The following SEC14L4 variants were observed in gnomAD, a reference collection of about 807,000 sequenced individuals.
SEC14L4 encodes SEC14-like protein 4.
Under a neutral mutation model 55.1 loss-of-function variants are expected in SEC14L4, and 42 were observed. The ratio of observed to expected loss-of-function variants is 0.76; its 90% CI spans 0.60 to 0.99. The LOEUF (loss-of-function observed/expected upper bound fraction) is 0.99, where lower values mean the gene tolerates loss of function less well. Ranked by LOEUF, SEC14L4 falls within the 50% of genes least tolerant of loss-of-function variation. The pLI is 0.00. For missense variants in SEC14L4, 445 were observed against 512.1 expected (o/e 0.87, Z 1.27); for synonymous variants, 206 against 206.8 (o/e 1.00, Z 0.03).
intron 2 of SEC14L4, among the ~76,000 whole-genome samples, chr22:30,497,476 G>T (rs978608644): frequency 4.0e-5 from 6 of 150,678 alleles, no homozygotes; most frequent in Non-Finnish European, 5.9e-5. Flanking sequence ...AGTAAGCCAA[G>T]ATCGCACTAC....
chr22:30,502,817 C>A (rs148707899), intron 2 of SEC14L4, among the ~76,000 whole-genome samples: 1 of 152,062 alleles, frequency 6.6e-6, no homozygotes, highest in Non-Finnish European at 1.5e-5. Flanking sequence ...TCCCAAAGCA[C>A]TGGGACTATA....
rs566782218 is a variant in SEC14L4, at chr22:30,498,950, A to ATT, written c.131-2981_131-2980dup. 5.9e-5 allele frequency among the ~76,000 whole-genome samples: 9 copies of ATT among 151,738 alleles called. No homozygotes were observed. In the South Asian group the frequency reaches 1.0e-3, roughly 18 times the overall value. ...ACGCTGCATAATTATTATTATTATT[A>ATT]TTATTTTTTTGATGGAGTCTCGCTC... On this transcript the variant is annotated intron_variant, in intron 2 of 11. Transcript: ENST00000255858.
At chr22:30,496,661 CT>C (rs1323101294) in intron 2 of SEC14L4, among the ~76,000 whole-genome samples, 1 of 152,102 alleles carries the variant, frequency 6.6e-6, no homozygotes, top group African/African-American at 2.4e-5. Context: ...CTTTTATTTC[CT>C]GTGAAACCTT....
chr22:30,495,019 A>G (rs1479389368), intron 5 of SEC14L4, 58 bp from the exon 6 acceptor site: 3 of 1,472,296 alleles, frequency 2.0e-6, no homozygotes, highest in Non-Finnish European at 2.8e-6. Flanking sequence ...GATCCTGGCC[A>G]GAGAGACTTG....
intron 11 of SEC14L4, 48 bp downstream of exon 11, chr22:30,491,525 G>A (rs760996476): frequency 3.7e-6 from 6 of 1,608,592 alleles, no homozygotes; most frequent in Non-Finnish European, 4.3e-6. Context: ...GGCAAGCAGA[G>A]GGGAGACTGG....
chr22:30,499,181 G>A (rs751253619), intron 2 of SEC14L4, among the ~76,000 whole-genome samples: 11 of 151,766 alleles, frequency 7.2e-5, no homozygotes, highest in Non-Finnish European at 1.5e-4. Flanking sequence ...CTGAGCCACC[G>A]CGCCCGGCCA....
In SEC14L4 at chr22:30,494,140, A is replaced by G; in HGVS notation, c.580+10T>C. ...CCCTCCCCAGGAGGTCATCCCGGTC[A>G]TGGGCTTACCTCGAATAACAATTAA... is the stretch of plus-strand genomic sequence containing the variant. On this transcript the variant is annotated intron_variant, in intron 7 of 11. Coordinates refer to ENST00000255858, the MANE Select transcript of SEC14L4 (RefSeq NM_174977.4). 1 of 1,607,768 alleles carries G rather than the reference A, an allele frequency of 6.2e-7. No individual in the cohort carries two copies. The highest frequency in any genetic ancestry group is 8.5e-7 in the Non-Finnish European group (1 of 1,174,196).
intron 2 of SEC14L4, among the ~76,000 whole-genome samples, chr22:30,500,858 T>C (rs1936298603): frequency 1.5e-5 from 2 of 136,046 alleles, no homozygotes; most frequent in Non-Finnish European, 3.0e-5. Context: ...TGGCATCAGA[T>C]GAAACTAATG....
intron 11 of SEC14L4, among the ~76,000 whole-genome samples, chr22:30,490,552 G>A (rs1343609685): frequency 6.6e-6 from 1 of 152,212 alleles, no homozygotes; most frequent in African/African-American, 2.4e-5. Flanking sequence ...CTGGGAACGG[G>A]ATCTCGAGCT....
At chr22:30,492,602 G>A (rs56037418) in intron 7 of SEC14L4, 45 bp from the exon 8 acceptor site, 70,251 of 1,483,708 alleles carry the variant, frequency 0.047, 3,430 homozygotes, top group African/African-American at 0.19. Context: ...CAGAAAGGAC[G>A]TGGGGATACA....
Position 30,492,456 on chromosome 22 carries a change from G to A in SEC14L4, c.664+18C>T. ...CTTCCCAGGCAGATGGACACAACCAGGGGGCCACGTCGCTCACCTCCCAGA... is the reference window on the plus strand; with the variant it reads ...CTTCCCAGGCAGATGGACACAACCAAGGGGCCACGTCGCTCACCTCCCAGA... On this transcript the variant is annotated intron_variant, in intron 8 of 11. Coordinates refer to ENST00000255858, the MANE Select transcript of SEC14L4 (RefSeq NM_174977.4). 3 of 1,603,482 alleles carry A rather than the reference G, an allele frequency of 1.9e-6. No individual in the cohort carries two copies. Among genetic ancestry groups the A allele is most frequent in the Non-Finnish European group, 2.6e-6 (3 of 1,170,304 alleles).
intron 2 of SEC14L4, among the ~76,000 whole-genome samples, chr22:30,502,930 G>C (rs891906275): frequency 6.6e-6 from 1 of 152,218 alleles, no homozygotes; most frequent in Non-Finnish European, 1.5e-5. Context: ...ACTTCCTTAA[G>C]TGTTTGCTGG....
chr22:30,503,249 CTG>C (rs1411518549), intron 2 of SEC14L4, among the ~76,000 whole-genome samples: 1 of 151,858 alleles, frequency 6.6e-6, no homozygotes, highest in East Asian at 1.9e-4. Flanking sequence ...ATTCCAGACC[CTG>C]TGTTTTTTGT....
chr22:30,489,614 T>C lies in SEC14L4; in HGVS notation c.*493A>G, dbSNP rs1723336133. On this transcript the variant is annotated 3_prime_UTR_variant, in exon 12 of 12. Coordinates refer to ENST00000255858, the MANE Select transcript of SEC14L4 (RefSeq NM_174977.4). ...CAGTGCTCTGCTGGAACCAGGACCC[T>C]CACCCAGCTGCCTCCAGCTGGGCCT... 1 of 584,168 alleles carries C rather than the reference T, an allele frequency of 1.7e-6. No individual in the cohort carries two copies. Among genetic ancestry groups the C allele is most frequent in the Non-Finnish European group, 3.0e-6 (1 of 328,014 alleles). The allele number at this position is 584,168 out of a possible 1,614,324, so 36.2% of individuals were successfully genotyped here.
At position 30,500,661 on chromosome 22, in the gene SEC14L4, C is replaced by T. The variant is rs552474927; in HGVS notation, c.130+3016G>A. On this transcript the variant is annotated intron_variant, in intron 2 of 11. Coordinates refer to ENST00000255858, the MANE Select transcript of SEC14L4 (RefSeq NM_174977.4). The stretch of plus-strand genomic sequence containing the variant: ...GATTACAGGAGTGAGCCACTGTGCC[C>T]AGCTATAGGAGATTTTTCAGTTAGG... Among the ~76,000 whole-genome samples the T allele has an allele frequency of 8.6e-5, 13 of 151,292 alleles. 1 individual carries two copies. In the South Asian group the frequency reaches 2.7e-3, roughly 32 times the overall value.
rs1936411831 is a variant in SEC14L4, at chr22:30,503,860, A to C, written c.55-108T>G. 3 of 801,162 alleles carry C rather than the reference A, an allele frequency of 3.7e-6. No homozygotes were observed. The East Asian group carries it at 8.2e-5, about 22-fold the overall frequency. The allele number at this position is 801,162 out of a possible 1,614,324, so 49.6% of individuals were successfully genotyped here. ...ATCCACCAGTCAACTCCACCAGAAG[A>C]CCATGCAGGGTGCTGCCCTGAACGA... On this transcript the variant is annotated intron_variant, in intron 1 of 11. Transcript: ENST00000255858.
At chr22:30,502,183 C>CA (rs1356772349) in intron 2 of SEC14L4, among the ~76,000 whole-genome samples, 2 of 151,682 alleles carry the variant, frequency 1.3e-5, no homozygotes, top group Admixed American at 6.6e-5. Flanking sequence ...TGAAAAAAAA[C>CA]AAAAAAACAA....
At chr22:30,490,312 C>CA in intron 11 of SEC14L4, 66 bp from the exon 12 acceptor site, 2 of 1,599,062 alleles carry the variant, frequency 1.3e-6, no homozygotes, top group Non-Finnish European at 1.7e-6. Flanking sequence ...GCCAGCCCTG[C>CA]ATGGGTGCAT....
chr22:30,495,851 G>T, intron 3 of SEC14L4, 77 bp downstream of exon 3: 1 of 1,592,230 alleles, frequency 6.3e-7, no homozygotes, highest in Non-Finnish European at 8.6e-7. Flanking sequence ...GACAGGGCCA[G>T]AGTCTCTACC....
Sources: gnomAD v4.1 joint callset for allele counts (sites outside exome capture counted in the v4.1 genomes callset) on GRCh38, gnomAD v4.1.1 for gene constraint, MANE v1.5 for transcripts, NCBI Gene and HGNC (gene_info 2026-07-23, HGNC 2026-07-21) for gene names.